Variants in NXN observed in about 807,000 individuals in gnomAD.
NXN encodes nucleoredoxin 1.
Under a neutral mutation model 48.6 loss-of-function variants are expected in NXN, and 16 were observed. The observed-to-expected ratio is 0.33, with a 90% CI of 0.22 to 0.50. The LOEUF (loss-of-function observed/expected upper bound fraction) is 0.50, where lower values mean the gene tolerates loss of function less well. NXN is among the 20% of genes least tolerant of loss of function. The probability of loss-of-function intolerance (pLI) is 0.98; values close to 1 mark genes in which losing one functional copy is unlikely to be tolerated. For missense variants in NXN, 492 were observed against 605.5 expected, an observed-to-expected ratio of 0.81 and a Z score of 1.97; for synonymous variants, 281 against 269.6, an observed-to-expected ratio of 1.04 and a Z score of -0.41.
At chr17:939,618 T>G (rs1281482101) in intron 1 of NXN, among the ~76,000 whole-genome samples, 3 of 152,110 alleles carry the variant, frequency 2.0e-5, no homozygotes, top group Admixed American at 6.5e-5. Flanking sequence ...AGTGCTGGGA[T>G]TACAGGCGTG....
chr17:959,148 C>T lies in NXN; in HGVS notation c.360+20171G>A, dbSNP rs539864012. 72 of 543,538 alleles carry T rather than the reference C, an allele frequency of 1.3e-4. 1 individual carries two copies. Among genetic ancestry groups the T allele is most frequent in the African/African-American group, 9.3e-4 (47 of 50,576 alleles). 33.7% of individuals were successfully genotyped at this position (543,538 alleles called of 1,614,324 possible). On this transcript the variant is annotated intron_variant, in intron 1 of 7. Transcript: ENST00000336868. Reference sequence around the variant, plus strand: ...CTGGGGCCCAGCAACAAGAGCCGAGCGCCCCTACGGAAGGCTGGAGAGGTG... The same window carrying T: ...CTGGGGCCCAGCAACAAGAGCCGAGTGCCCCTACGGAAGGCTGGAGAGGTG...
At chr17:865,378 G>C (rs960102975) in intron 1 of NXN, among the ~76,000 whole-genome samples, 4 of 151,952 alleles carry the variant, frequency 2.6e-5, no homozygotes, top group African/African-American at 4.8e-5. Context: ...GCATAGCTGG[G>C]ATTACAGGCA....
rs373902670 is a variant in NXN at position 819,485 on chromosome 17, C to A, written c.774G>T (p.Thr258=). The A allele has an allele frequency of 1.2e-6, 2 of 1,613,736 alleles. No homozygotes were observed. The highest frequency in any genetic ancestry group is 8.5e-7 in the Non-Finnish European group (1 of 1,179,832). The change falls in exon 5 of 8, where the codon ACG becomes ACT. Residue 258 remains threonine (T), a synonymous_variant. Coordinates refer to ENST00000336868, the MANE Select transcript of NXN (RefSeq NM_022463.5). ...SEMPWLAVPY[T]DEARRSRLNR... The stretch of plus-strand genomic sequence containing the variant: ...TGAGGCGCGACCGCCGGGCCTCATC[C>A]GTGTAGGGGACGGCGAGCCAGGGCA...
At chr17:877,697 A>G (rs930296297) in intron 1 of NXN, among the ~76,000 whole-genome samples, 2 of 152,226 alleles carry the variant, frequency 1.3e-5, no homozygotes, top group Non-Finnish European at 2.9e-5. Context: ...GCACACGCTC[A>G]GTGCTTTACA....
At chr17:817,744 C>CT (rs1347101000) in intron 5 of NXN, among the ~76,000 whole-genome samples, 5 of 150,474 alleles carry the variant, frequency 3.3e-5, no homozygotes, top group East Asian at 2.0e-4. Flanking sequence ...CTGGATTTGT[C>CT]TTTTTTTTCA....
intron 1 of NXN, among the ~76,000 whole-genome samples, chr17:962,151 A>C (rs2069245400): frequency 6.6e-6 from 1 of 152,180 alleles, no homozygotes; most frequent in African/African-American, 2.4e-5. Context: ...GAAGAAAAGA[A>C]GGAACATTCA....
chr17:851,168 C>G (rs2067919544), intron 1 of NXN, among the ~76,000 whole-genome samples: 1 of 152,264 alleles, frequency 6.6e-6, no homozygotes. Flanking sequence ...ACCTGGTCTC[C>G]AGACCACCCA....
intron 1 of NXN, among the ~76,000 whole-genome samples, chr17:837,322 TC>T (rs1913882755): frequency 6.6e-6 from 1 of 152,076 alleles, no homozygotes; most frequent in Non-Finnish European, 1.5e-5. Flanking sequence ...TGTCCTCATA[TC>T]CCCAGAGGTA....
chr17:912,005 T>G (rs2068641275), intron 1 of NXN, among the ~76,000 whole-genome samples: 1 of 151,070 alleles, frequency 6.6e-6, no homozygotes, highest in South Asian at 2.1e-4. Flanking sequence ...TGGCGCGATC[T>G]CGGCTCACTG....
intron 1 of NXN, chr17:863,913 G>GGA: frequency 6.9e-7 from 1 of 1,458,476 alleles, no homozygotes; most frequent in Non-Finnish European, 9.3e-7. Context: ...GTTTATGTCA[G>GGA]GCTCATACAG....
At chr17:948,860 CCGCGG>C (rs1268941450) in intron 1 of NXN, among the ~76,000 whole-genome samples, 1 of 57,394 alleles carries the variant, frequency 1.7e-5, no homozygotes, top group Admixed American at 1.4e-4. Flanking sequence ...CCTCCTCTCC[CCGCGG>C]CCTCCTCCTC....
In NXN at chr17:855,584, C is replaced by T. The variant is rs150398771; in HGVS notation, c.361-29506G>A. 4.1e-3 allele frequency among the ~76,000 whole-genome samples: 617 copies of T among 152,294 alleles called. 4 individuals carry two copies. The highest frequency in any genetic ancestry group is 0.013 in the African/African-American group (555 of 41,556). On this transcript the variant is annotated intron_variant, in intron 1 of 7. Coordinates refer to ENST00000336868, the MANE Select transcript of NXN (RefSeq NM_022463.5). Reference sequence around the variant, plus strand: ...GCAGAACTCTCTCTCTCTGAAAATACACCCCAGAAGGAAGCAGTCCTCCCA... The same window carrying T: ...GCAGAACTCTCTCTCTCTGAAAATATACCCCAGAAGGAAGCAGTCCTCCCA...
Position 932,859 on chromosome 17 carries a change from G to C in NXN, c.360+46460C>G, listed in dbSNP as rs1207912792. ...GATGAGGTTTCTCCATGTTGGCCAG[G>C]CTGGTCTCGAACTCCTGACCTCAGG... On this transcript the variant is annotated intron_variant, in intron 1 of 7. Transcript: ENST00000336868. This position sits in a 1 kb window ranked among gnomAD's most constrained non-coding sequence, Gnocchi z 4.1. Among the ~76,000 whole-genome samples, 1 of 152,166 alleles carries C rather than the reference G, an allele frequency of 6.6e-6. No individual in the cohort carries two copies. Among genetic ancestry groups the C allele is most frequent in the Non-Finnish European group, 1.5e-5 (1 of 68,038 alleles).
intron 1 of NXN, among the ~76,000 whole-genome samples, chr17:847,805 G>A (rs920767223): frequency 3.3e-5 from 5 of 152,180 alleles, no homozygotes; most frequent in African/African-American, 1.2e-4. Context: ...TGGAAAAGAT[G>A]AAATTCAAGA....
intron 1 of NXN, among the ~76,000 whole-genome samples, chr17:835,239 C>T (rs921468000): frequency 2.7e-5 from 4 of 148,926 alleles, no homozygotes; most frequent in Non-Finnish European, 5.9e-5. Context: ...ACCCAGGAGG[C>T]GGAGCTTGCA....
chr17:924,184 A>G (rs1377374540), intron 1 of NXN, among the ~76,000 whole-genome samples: 3 of 152,000 alleles, frequency 2.0e-5, no homozygotes, highest in Non-Finnish European at 4.4e-5. Flanking sequence ...CTGGGACCAC[A>G]GGTGTGTATC....
intron 1 of NXN, among the ~76,000 whole-genome samples, chr17:842,335 C>T (rs1173709977): frequency 6.6e-6 from 1 of 152,192 alleles, no homozygotes; most frequent in African/African-American, 2.4e-5. Flanking sequence ...AGCCCAGAGA[C>T]ACAGGGGAGC....
chr17:841,379 GGT>G (rs1914174618), intron 1 of NXN, among the ~76,000 whole-genome samples: 3 of 130,326 alleles, frequency 2.3e-5, no homozygotes, highest in Non-Finnish European at 3.3e-5. Flanking sequence ...GCCCACACAC[GGT>G]GCATCTCACG....
intron 1 of NXN, among the ~76,000 whole-genome samples, chr17:843,064 A>C (rs201725849): frequency 0.018 from 2,421 of 137,922 alleles, 54 homozygotes; most frequent in African/African-American, 0.057. Context: ...AAGAAGGAAG[A>C]AAGCAAGCAA....
Sources: gnomAD v4.1 joint callset for allele counts (sites outside exome capture counted in the v4.1 genomes callset) on GRCh38, gnomAD v4.1.1 for gene constraint, Gnocchi (gnomAD v3.1) non-coding constraint, MANE v1.5 for transcripts, NCBI Gene and HGNC (gene_info 2026-07-23, HGNC 2026-07-21) for gene names.